The following ADGRB3 variants were observed in gnomAD, a reference collection of about 807,000 sequenced individuals.
The protein encoded by ADGRB3 is brain-specific angiogenesis inhibitor 3.
A neutral mutation model predicts 193.4 loss-of-function variants in ADGRB3; 37 were observed. The observed-to-expected ratio is 0.19, with a 90% CI of 0.15 to 0.25. ADGRB3 has a LOEUF of 0.25. Among genes scored for constraint, ADGRB3 ranks in the 10% least tolerant of loss-of-function variants. The pLI is 1.00. For missense variants in ADGRB3, 1,637 were observed against 1,852.9 expected (o/e 0.88, Z 2.14); for synonymous variants, 690 against 644.2 (o/e 1.07, Z -1.08).
intron 3 of ADGRB3, among the ~76,000 whole-genome samples, chr6:68,835,586 C>A (rs977369226): frequency 2.0e-5 from 3 of 151,828 alleles, no homozygotes; most frequent in African/African-American, 7.3e-5. Flanking sequence ...TCATTTTTAC[C>A]CTGACTCTTC....
At chr6:69,008,368 G>C (rs1769834943) in intron 11 of ADGRB3, among the ~76,000 whole-genome samples, 1 of 152,094 alleles carries the variant, frequency 6.6e-6, no homozygotes, top group African/African-American at 2.4e-5. Context: ...ATACATTTCT[G>C]CTTAAGTATT....
At chr6:68,654,746 T>C (rs1261188183) in intron 3 of ADGRB3, among the ~76,000 whole-genome samples, 1 of 151,906 alleles carries the variant, frequency 6.6e-6, no homozygotes, top group Admixed American at 6.6e-5. Flanking sequence ...CTAAATATAC[T>C]CTTAACCAGG....
rs116695090 is a variant in ADGRB3 at position 68,719,677 on chromosome 6, A to G, written c.757+80245A>G. On this transcript the variant is annotated intron_variant, in intron 3 of 31. Coordinates refer to ENST00000370598, the MANE Select transcript of ADGRB3 (RefSeq NM_001704.3). ...AATTAGAAAAGCTCTTACAGATACA[A>G]TTTCTCTTCTCCTATTTTCTTTTTT... is the stretch of plus-strand genomic sequence containing the variant. Among the ~76,000 whole-genome samples, 752 of 151,760 alleles carry G rather than the reference A, an allele frequency of 5.0e-3. 8 individuals are homozygous for G. Among genetic ancestry groups the G allele is most frequent in the African/African-American group, 0.017 (725 of 41,450 alleles).
intron 3 of ADGRB3, among the ~76,000 whole-genome samples, chr6:68,744,986 C>T (rs1260000118): frequency 6.6e-6 from 1 of 152,028 alleles, no homozygotes; most frequent in Admixed American, 6.6e-5. Flanking sequence ...GCCTCAAATA[C>T]AATAAAAAAG....
At chr6:69,328,779 T>A (rs986020058) in intron 22 of ADGRB3, among the ~76,000 whole-genome samples, 1 of 152,182 alleles carries the variant, frequency 6.6e-6, no homozygotes, top group Non-Finnish European at 1.5e-5. Context: ...ATAGTATTTT[T>A]AAAAATTCTG....
intron 13 of ADGRB3, among the ~76,000 whole-genome samples, chr6:69,044,755 G>T (rs1562135425): frequency 6.6e-6 from 1 of 152,142 alleles, no homozygotes. Flanking sequence ...ATCAAGTGTT[G>T]TAATGAAAAC....
intron 3 of ADGRB3, among the ~76,000 whole-genome samples, chr6:68,675,386 G>A (rs1026767202): frequency 6.6e-6 from 1 of 151,944 alleles, no homozygotes; most frequent in South Asian, 2.1e-4. Context: ...TTTAAAACTG[G>A]GGATACAGAA....
intron 11 of ADGRB3, among the ~76,000 whole-genome samples, chr6:69,004,741 A>G (rs1268672862): frequency 6.6e-6 from 1 of 152,012 alleles, no homozygotes; most frequent in Non-Finnish European, 1.5e-5. Context: ...TAACAGCCCT[A>G]TGTCCAAAGA....
chr6:68,703,052 G>T (rs528354708), intron 3 of ADGRB3, among the ~76,000 whole-genome samples: 187 of 152,248 alleles, frequency 1.2e-3, no homozygotes, highest in Middle Eastern at 3.4e-3. Flanking sequence ...AAGATGCATT[G>T]ATGGGTGGTT....
At chr6:68,743,562 A>T (rs1296682084) in intron 3 of ADGRB3, among the ~76,000 whole-genome samples, 1 of 152,020 alleles carries the variant, frequency 6.6e-6, no homozygotes, top group East Asian at 1.9e-4. Flanking sequence ...TATCTTCTTA[A>T]GTCAGCTCTG....
At chr6:68,828,823 G>A (rs1356351538) in intron 3 of ADGRB3, among the ~76,000 whole-genome samples, 1 of 152,016 alleles carries the variant, frequency 6.6e-6, no homozygotes, top group Non-Finnish European at 1.5e-5. Flanking sequence ...AAATCATATA[G>A]ACCTTAATTC....
At chr6:69,106,553 C>G (rs1773221722) in intron 17 of ADGRB3, among the ~76,000 whole-genome samples, 1 of 152,208 alleles carries the variant, frequency 6.6e-6, no homozygotes, top group Non-Finnish European at 1.5e-5. Flanking sequence ...TTTTGCTCCT[C>G]AACCAACTTA....
At chr6:69,038,350 A>ACC (rs869047995) in intron 13 of ADGRB3, among the ~76,000 whole-genome samples, 1 of 151,518 alleles carries the variant, frequency 6.6e-6, no homozygotes, top group East Asian at 1.9e-4. Flanking sequence ...ACACACACAC[A>ACC]CCACAGTGAG....
At chr6:69,289,115 G>C (rs547730488) in intron 20 of ADGRB3, among the ~76,000 whole-genome samples, 1 of 152,268 alleles carries the variant, frequency 6.6e-6, no homozygotes, top group Admixed American at 6.5e-5. Context: ...TCTCCTGAGA[G>C]CGTCCAGTTT....
chr6:68,700,609 A>T (rs1765227135), intron 3 of ADGRB3, among the ~76,000 whole-genome samples: 1 of 151,996 alleles, frequency 6.6e-6, no homozygotes, highest in South Asian at 2.1e-4. Flanking sequence ...AGACAAATAG[A>T]AACCCCTTTA....
intron 29 of ADGRB3, among the ~76,000 whole-genome samples, chr6:69,371,442 C>G (rs1319311513): frequency 6.6e-6 from 1 of 151,842 alleles, no homozygotes; most frequent in Non-Finnish European, 1.5e-5. Flanking sequence ...GATGGGAGCA[C>G]GGGAAAAATA....
intron 29 of ADGRB3, among the ~76,000 whole-genome samples, chr6:69,371,367 A>G (rs1334543398): frequency 6.6e-6 from 1 of 152,102 alleles, no homozygotes; most frequent in African/African-American, 2.4e-5. Flanking sequence ...TAAAATGCAG[A>G]CTAGAGTCTG....
At position 68,639,191 on chromosome 6, in the gene ADGRB3, T is replaced by C. The variant is rs1217174831; in HGVS notation, c.516T>C (p.Cys172=). The change falls in exon 3 of 32, where the codon TGT becomes TGC. Residue 172 remains cysteine (C), a synonymous_variant. Transcript: ENST00000370598. ...GCCAGTTTGGTTGCCATGTATTATG[T>C]ACTTGGTTGGAGAGCTGCTTAAAAT... ...SPSQFGCHVL[C]TWLESCLKSE... The C allele has an allele frequency of 1.2e-6, 2 of 1,614,086 alleles. No individual in the cohort carries two copies. Among genetic ancestry groups the C allele is most frequent in the South Asian group, 1.1e-5 (1 of 91,082 alleles).
At chr6:69,271,145 G>A (rs530989047) in intron 20 of ADGRB3, among the ~76,000 whole-genome samples, 4 of 152,288 alleles carry the variant, frequency 2.6e-5, no homozygotes, top group African/African-American at 4.8e-5. Flanking sequence ...ATAACTGTGA[G>A]AATATGTAAA....
Sources: allele counts gnomAD v4.1 joint callset (sites outside exome capture counted in the v4.1 genomes callset), GRCh38; gene constraint gnomAD v4.1.1; transcripts MANE v1.5; gene names NCBI Gene and HGNC (gene_info 2026-07-23, HGNC 2026-07-21).